Variants in RERE observed in about 807,000 individuals in gnomAD.
The protein encoded by RERE is arginine-glutamic acid dipeptide repeats, also known as arginine-glutamic acid dipeptide repeats protein.
Under a neutral mutation model 146.1 loss-of-function variants are expected in RERE, and 40 were observed. The ratio of observed to expected loss-of-function variants is 0.27; its 90% CI spans 0.21 to 0.36. RERE has a LOEUF of 0.36. RERE is among the 10% of genes least tolerant of loss of function. The pLI, the probability that RERE is intolerant of heterozygous loss-of-function variation, is 1.00. For missense variants in RERE, 1,933 were observed against 2,138.7 expected, an observed-to-expected ratio of 0.90 and a Z score of 1.90; for synonymous variants, 1,003 against 866.0, an observed-to-expected ratio of 1.16 and a Z score of -2.78.
chr1:8,696,310 T>C (rs1639328517), intron 1 of RERE, among the ~76,000 whole-genome samples: 2 of 152,136 alleles, frequency 1.3e-5, no homozygotes, highest in South Asian at 2.1e-4. Context: ...AATGATGGAC[T>C]GATAAAGAAA....
chr1:8,564,816 GTGTGTGTATATGTGTA>G (rs1286207159), intron 4 of RERE, among the ~76,000 whole-genome samples: 2 of 130,444 alleles, frequency 1.5e-5, no homozygotes, highest in Middle Eastern at 3.6e-3. Flanking sequence ...GTGTATGTAT[GTGTGTGTATATGTGTA>G]TGTGTGTGTG....
chr1:8,764,461 T>C (rs1640812765), intron 1 of RERE, among the ~76,000 whole-genome samples: 1 of 152,170 alleles, frequency 6.6e-6, no homozygotes, highest in Non-Finnish European at 1.5e-5. Context: ...ATGTATTCAG[T>C]CATCCAGTCA....
intron 1 of RERE, among the ~76,000 whole-genome samples, chr1:8,765,367 C>T (rs940051632): frequency 6.6e-6 from 1 of 152,190 alleles, no homozygotes; most frequent in African/African-American, 2.4e-5. Context: ...TGAGGAGTAA[C>T]TGCTCATGGA....
At chr1:8,476,709 C>T (rs894473893) in intron 10 of RERE, among the ~76,000 whole-genome samples, 1 of 152,156 alleles carries the variant, frequency 6.6e-6, no homozygotes, top group African/African-American at 2.4e-5. Context: ...ACATAAAAAA[C>T]ACTATTCTAG....
chr1:8,749,589 C>G (rs1053232929), intron 1 of RERE, among the ~76,000 whole-genome samples: 1 of 152,088 alleles, frequency 6.6e-6, no homozygotes, highest in South Asian at 2.1e-4. Context: ...ATGATGAATG[C>G]AATACACCTA....
At chr1:8,736,175 C>T (rs1325769423) in intron 1 of RERE, among the ~76,000 whole-genome samples, 1 of 121,752 alleles carries the variant, frequency 8.2e-6, no homozygotes, top group Non-Finnish European at 1.7e-5. Flanking sequence ...AATTGTTCTG[C>T]ATTTAAACCA....
At chr1:8,524,042 T>C (rs1053996717) in intron 7 of RERE, among the ~76,000 whole-genome samples, 1 of 152,218 alleles carries the variant, frequency 6.6e-6, no homozygotes, top group African/African-American at 2.4e-5. Flanking sequence ...AGTGGTGCAG[T>C]GTCCAGTTCC....
intron 11 of RERE, among the ~76,000 whole-genome samples, chr1:8,444,825 A>G (rs563408315): frequency 6.6e-6 from 1 of 152,014 alleles, no homozygotes; most frequent in Admixed American, 6.6e-5. Flanking sequence ...CATAAGTAAA[A>G]GCTCCCTGAG....
chr1:8,560,288 GCCAGTAGCA>G (rs1157649496), intron 4 of RERE, among the ~76,000 whole-genome samples: 4 of 152,146 alleles, frequency 2.6e-5, no homozygotes, highest in African/African-American at 9.7e-5. Context: ...ACCACTAATT[GCCAGTAGCA>G]CCCATCGTCC....
At chr1:8,793,534 T>C (rs915488070) in intron 1 of RERE, among the ~76,000 whole-genome samples, 12 of 152,302 alleles carry the variant, frequency 7.9e-5, no homozygotes, top group African/African-American at 2.6e-4. Flanking sequence ...TCAGCACCTG[T>C]ATTCTCCTAA....
intron 1 of RERE, among the ~76,000 whole-genome samples, chr1:8,721,718 G>A (rs1303438452): frequency 6.6e-6 from 1 of 152,184 alleles, no homozygotes; most frequent in East Asian, 1.9e-4. Context: ...TGGAAGGGTT[G>A]CTGGCCTCTA....
chr1:8,746,069 C>T (rs1204589292), intron 1 of RERE, among the ~76,000 whole-genome samples: 1 of 152,194 alleles, frequency 6.6e-6, no homozygotes, highest in Non-Finnish European at 1.5e-5. Flanking sequence ...TATCTCAAAA[C>T]AAAACCAAAT....
At chr1:8,529,657 G>T (rs1176720991) in intron 7 of RERE, among the ~76,000 whole-genome samples, 1 of 151,852 alleles carries the variant, frequency 6.6e-6, no homozygotes, top group Non-Finnish European at 1.5e-5. Context: ...TGAATGACCT[G>T]CCTCCCTGCC....
chr1:8,591,349 A>G (rs977384124), intron 4 of RERE, among the ~76,000 whole-genome samples: 28 of 151,606 alleles, frequency 1.8e-4, no homozygotes, highest in African/African-American at 6.8e-4. Flanking sequence ...AAAAATCTTG[A>G]CCCTCCCAGA....
chr1:8,379,558 G>C (rs142078151), intron 12 of RERE, among the ~76,000 whole-genome samples: 43 of 152,232 alleles, frequency 2.8e-4, no homozygotes, highest in African/African-American at 1.0e-3. Flanking sequence ...CTGTGATATG[G>C]GCTCCACGGA....
At chr1:8,542,908 A>G (rs1158363217) in intron 6 of RERE, among the ~76,000 whole-genome samples, 1 of 152,228 alleles carries the variant, frequency 6.6e-6, no homozygotes, top group Non-Finnish European at 1.5e-5. Context: ...TAGAAGCTAC[A>G]GAATAGAAAG....
At chr1:8,783,371 C>G (rs1316976219) in intron 1 of RERE, among the ~76,000 whole-genome samples, 2 of 152,152 alleles carry the variant, frequency 1.3e-5, no homozygotes, top group African/African-American at 4.8e-5. Flanking sequence ...TACTGTCGCT[C>G]TATCTTCAAA....
At chr1:8,525,765 G>C in intron 7 of RERE, 2 of 1,599,062 alleles carry the variant, frequency 1.3e-6, no homozygotes, top group Non-Finnish European at 1.7e-6. Flanking sequence ...CTACCTGCAG[G>C]GGCTGAATGG....
chr1:8,781,597 GTTA>G (rs1431923509), intron 1 of RERE, among the ~76,000 whole-genome samples: 1 of 151,474 alleles, frequency 6.6e-6, no homozygotes, highest in Non-Finnish European at 1.5e-5. Flanking sequence ...CTTTGGGAAA[GTTA>G]TTGAATCTCT....
Sources: gnomAD v4.1 joint callset for allele counts (sites outside exome capture counted in the v4.1 genomes callset) on GRCh38, gnomAD v4.1.1 for gene constraint, MANE v1.5 for transcripts, NCBI Gene and HGNC (gene_info 2026-07-23, HGNC 2026-07-21) for gene names.